The following SLC1A1 variants were observed in gnomAD, a reference collection of about 807,000 sequenced individuals.
The protein encoded by SLC1A1 is solute carrier family 1 member 1, also known as excitatory amino acid transporter 3.
A neutral mutation model predicts 53.3 loss-of-function variants in SLC1A1; 43 were observed. The ratio of observed to expected loss-of-function variants is 0.81; its 90% CI spans 0.63 to 1.04. SLC1A1 has a LOEUF of 1.04. Among genes scored for constraint, SLC1A1 ranks in the 50% least tolerant of loss-of-function variants. SLC1A1 has a pLI of 0.00. For synonymous variants in SLC1A1, 307 were observed against 243.2 expected (o/e 1.26, Z -2.44); for missense variants, 748 against 664.9 (o/e 1.12, Z -1.37).
At chr9:4,560,340 A>T (rs1182923585) in intron 2 of SLC1A1, among the ~76,000 whole-genome samples, 3 of 152,224 alleles carry the variant, frequency 2.0e-5, no homozygotes, top group Non-Finnish European at 4.4e-5. Flanking sequence ...CAGCCACATG[A>T]CAGATTACTG....
At chr9:4,501,131 C>T (rs1242061389) in intron 1 of SLC1A1, among the ~76,000 whole-genome samples, 1 of 152,056 alleles carries the variant, frequency 6.6e-6, no homozygotes, top group Non-Finnish European at 1.5e-5. Context: ...CACAGCAGAT[C>T]TCCGCATGTC....
intron 8 of SLC1A1, among the ~76,000 whole-genome samples, chr9:4,575,108 G>A (rs977220262): frequency 2.6e-5 from 4 of 152,284 alleles, no homozygotes; most frequent in Middle Eastern, 3.4e-3. Context: ...ACCCCAGCTA[G>A]GTGTCTAACA....
intron 1 of SLC1A1, among the ~76,000 whole-genome samples, chr9:4,541,734 T>C (rs116317271): frequency 6.6e-6 from 1 of 152,326 alleles, no homozygotes; most frequent in African/African-American, 2.4e-5. Context: ...CGGCTGAGAT[T>C]TTCAATTATT....
intron 1 of SLC1A1, among the ~76,000 whole-genome samples, chr9:4,497,098 C>G (rs1049226510): frequency 2.0e-5 from 3 of 151,938 alleles, no homozygotes; most frequent in Non-Finnish European, 4.4e-5. Context: ...GCTGCCCTAA[C>G]AAATTACCAC....
intron 1 of SLC1A1, among the ~76,000 whole-genome samples, chr9:4,511,522 A>T (rs1820997670): frequency 6.6e-6 from 1 of 151,916 alleles, no homozygotes; most frequent in African/African-American, 2.4e-5. Flanking sequence ...ATAGCAGAGG[A>T]GAAGAAAAAT....
At chr9:4,580,645 G>GTA (rs1344348900) in intron 10 of SLC1A1, among the ~76,000 whole-genome samples, 15,347 of 138,140 alleles carry the variant, frequency 0.11, 1,312 homozygotes, top group Middle Eastern at 0.14. Context: ...GTGTGTGTGT[G>GTA]TGTGTGTATA....
Position 4,573,586 on chromosome 9 carries a change from G to T in SLC1A1, c.768-321G>T, listed in dbSNP as rs7871691. Among the ~76,000 whole-genome samples the T allele has an allele frequency of 0.43, 65,350 of 151,890 alleles. 14,379 individuals carry two copies. The highest frequency in any genetic ancestry group is 0.52 in the Middle Eastern group (152 of 294). ...CAAGCTCAAGTGAGATCTGCAGATAGGACAATCAGCAGGATATATATGCAC... is the reference window on the plus strand; with the variant it reads ...CAAGCTCAAGTGAGATCTGCAGATATGACAATCAGCAGGATATATATGCAC... On this transcript the variant is annotated intron_variant, in intron 7 of 11. Transcript: ENST00000262352.
chr9:4,529,057 T>C (rs1425444630), intron 1 of SLC1A1, among the ~76,000 whole-genome samples: 1 of 152,132 alleles, frequency 6.6e-6, no homozygotes, highest in Non-Finnish European at 1.5e-5. Flanking sequence ...ATATAATTTA[T>C]CACCAAATAC....
chr9:4,521,584 T>C (rs1047010484), intron 1 of SLC1A1, among the ~76,000 whole-genome samples: 1 of 152,202 alleles, frequency 6.6e-6, no homozygotes. Context: ...AACCCCATCA[T>C]CATCCAGGAA....
intron 1 of SLC1A1, among the ~76,000 whole-genome samples, chr9:4,534,067 G>C (rs539937366): frequency 6.6e-6 from 1 of 152,300 alleles, no homozygotes; most frequent in Non-Finnish European, 1.5e-5. Context: ...GCAGTGTGTA[G>C]AGGGAAATTT....
At chr9:4,578,931 C>G (rs2129836121) in intron 10 of SLC1A1, among the ~76,000 whole-genome samples, 1 of 152,354 alleles carries the variant, frequency 6.6e-6, no homozygotes, top group African/African-American at 2.4e-5. Context: ...TAGGCCTGCT[C>G]AAGGTTGAAT....
At chr9:4,582,363 C>T (rs913316761) in intron 10 of SLC1A1, among the ~76,000 whole-genome samples, 13 of 152,168 alleles carry the variant, frequency 8.5e-5, no homozygotes, top group African/African-American at 3.1e-4. Context: ...GGAGTAAATG[C>T]TTGTACCTTG....
At position 4,529,797 on chromosome 9, in the gene SLC1A1, G is replaced by A. The variant is rs140773735; in HGVS notation, c.92-14770G>A. 2.2e-3 allele frequency among the ~76,000 whole-genome samples: 331 copies of A among 152,194 alleles called. 1 individual carries two copies. Among genetic ancestry groups the A allele is most frequent in the African/African-American group, 7.7e-3 (318 of 41,532 alleles). On this transcript the variant is annotated intron_variant, in intron 1 of 11. Coordinates refer to ENST00000262352, the MANE Select transcript of SLC1A1 (RefSeq NM_004170.6). ...GCTTCACAAAGTACTGGAATTACAG[G>A]TGTGAGCCACCATACCTGGACTCAT...
intron 1 of SLC1A1, among the ~76,000 whole-genome samples, chr9:4,524,381 A>G (rs1047430548): frequency 6.6e-6 from 1 of 152,184 alleles, no homozygotes; most frequent in Non-Finnish European, 1.5e-5. Context: ...AAGAAATATA[A>G]AAGTCCCCTC....
rs1818424412 is a variant in SLC1A1, at chr9:4,556,681, C to T, written c.233-4768C>T. On this transcript the variant is annotated intron_variant, in intron 2 of 11. Coordinates refer to ENST00000262352, the MANE Select transcript of SLC1A1 (RefSeq NM_004170.6). The surrounding 1 kb of genome is among the most constrained non-coding windows in gnomAD (Gnocchi z 4.1). ...CAGTTAAGAGTCTAATGCCTGGATT[C>T]TCATTCTCACAGTCAACATTCATTG... Among the ~76,000 whole-genome samples the T allele has an allele frequency of 6.6e-6, 1 of 152,176 alleles. No homozygotes were observed. The highest frequency in any genetic ancestry group is 2.4e-5 in the African/African-American group (1 of 41,448).
At chr9:4,568,473 T>C (rs1056671842) in intron 6 of SLC1A1, among the ~76,000 whole-genome samples, 1 of 150,318 alleles carries the variant, frequency 6.7e-6, no homozygotes, top group Non-Finnish European at 1.5e-5. Context: ...GTAATCTCAG[T>C]ACTTTGGGAG....
At chr9:4,563,029 T>G (rs1819116950) in intron 3 of SLC1A1, among the ~76,000 whole-genome samples, 2 of 147,676 alleles carry the variant, frequency 1.4e-5, no homozygotes, top group South Asian at 2.2e-4. Flanking sequence ...GATGATGAGT[T>G]AGTGGGTGCA....
chr9:4,557,492 T>G (rs1818522851), intron 2 of SLC1A1, among the ~76,000 whole-genome samples: 3 of 152,026 alleles, frequency 2.0e-5, no homozygotes, highest in Non-Finnish European at 2.9e-5. Flanking sequence ...TAAATTGAGA[T>G]TAATTAAAAC....
intron 2 of SLC1A1, among the ~76,000 whole-genome samples, chr9:4,558,741 C>T (rs1008479508): frequency 1.3e-5 from 2 of 151,856 alleles, no homozygotes; most frequent in Non-Finnish European, 2.9e-5. Flanking sequence ...CAAACACATC[C>T]CCGAGAACAG....
Sources: allele counts gnomAD v4.1 joint callset (sites outside exome capture counted in the v4.1 genomes callset), GRCh38; gene constraint gnomAD v4.1.1; non-coding constraint Gnocchi (gnomAD v3.1); transcripts MANE v1.5; gene names NCBI Gene and HGNC (gene_info 2026-07-23, HGNC 2026-07-21).